Variants in HSPA12A observed in about 807,000 individuals in gnomAD.
The protein encoded by HSPA12A is heat shock 70 kDa protein 12A.
In HSPA12A, 28 loss-of-function variants were observed where a neutral mutation model predicts 69.2. That is an observed-to-expected ratio of 0.40 (90% CI 0.30 to 0.55). The LOEUF is 0.55. Among genes scored for constraint, HSPA12A ranks in the 20% least tolerant of loss-of-function variants. The probability of loss-of-function intolerance (pLI) is 0.38; values close to 1 mark genes in which losing one functional copy is unlikely to be tolerated. For missense variants in HSPA12A, 686 were observed against 900.7 expected (o/e 0.76, Z 3.05); for synonymous variants, 345 against 370.5 (o/e 0.93, Z 0.79).
chr10:116,736,655 G>A (rs1439897137), intron 1 of HSPA12A, among the ~76,000 whole-genome samples: 3 of 152,148 alleles, frequency 2.0e-5, no homozygotes, highest in Non-Finnish European at 4.4e-5. Context: ...GGAGTGATGG[G>A]CTTGGAAGAT....
At chr10:116,789,802 G>T (rs769232731) in intron 2 of HSPA12A, among the ~76,000 whole-genome samples, 31 of 152,086 alleles carry the variant, frequency 2.0e-4, no homozygotes, top group Non-Finnish European at 3.7e-4. Flanking sequence ...AGGTGAGGAG[G>T]GCATTATCTC....
intron 2 of HSPA12A, among the ~76,000 whole-genome samples, chr10:116,705,802 A>G (rs1850226369): frequency 6.6e-6 from 1 of 151,874 alleles, no homozygotes; most frequent in South Asian, 2.1e-4. Context: ...GGCCAGCCAC[A>G]TGACCCACTG....
At chr10:116,687,248 A>G (rs368268815) in intron 6 of HSPA12A, among the ~76,000 whole-genome samples, 3 of 152,156 alleles carry the variant, frequency 2.0e-5, no homozygotes, top group Non-Finnish European at 2.9e-5. Context: ...GCCTGTTTCC[A>G]TAGGGGGTTC....
chr10:116,787,768 G>C (rs1458972875), intron 2 of HSPA12A, among the ~76,000 whole-genome samples: 3 of 152,180 alleles, frequency 2.0e-5, no homozygotes, highest in Non-Finnish European at 2.9e-5. Context: ...GAAAAGAAGA[G>C]GAAAGAAGGG....
intron 1 of HSPA12A, among the ~76,000 whole-genome samples, chr10:116,840,332 A>G (rs1447966941): frequency 6.6e-6 from 1 of 152,244 alleles, no homozygotes; most frequent in Non-Finnish European, 1.5e-5. Context: ...AAATGATGAT[A>G]CACAGGAAAA....
chr10:116,816,245 C>T (rs138066257), intron 2 of HSPA12A, among the ~76,000 whole-genome samples: 1 of 152,348 alleles, frequency 6.6e-6, no homozygotes, highest in Non-Finnish European at 1.5e-5. Flanking sequence ...CTTTCTGCCA[C>T]ATTCATATCA....
At chr10:116,702,139 A>AGC (rs1471525275) in intron 3 of HSPA12A, among the ~76,000 whole-genome samples, 1 of 138,548 alleles carries the variant, frequency 7.2e-6, no homozygotes, top group African/African-American at 2.6e-5. Context: ...AGAGAGAGAG[A>AGC]GAGAGAGGCT....
chr10:116,792,194 T>G (rs11197825), intron 2 of HSPA12A, among the ~76,000 whole-genome samples: 73,997 of 146,574 alleles, frequency 0.5, 19,224 homozygotes, highest in East Asian at 0.63. Flanking sequence ...CACGTAAGCA[T>G]GTGAGTGGGA....
chr10:116,803,446 C>A (rs1307209757), intron 2 of HSPA12A, among the ~76,000 whole-genome samples: 1 of 152,168 alleles, frequency 6.6e-6, no homozygotes, highest in South Asian at 2.1e-4. Flanking sequence ...CGGTATCTAA[C>A]CCCGCAGGCA....
intron 2 of HSPA12A, chr10:116,830,859 T>C (rs1380048086): frequency 6.6e-6 from 1 of 152,388 alleles, no homozygotes; most frequent in Non-Finnish European, 1.5e-5. Context: ...TATGCATATA[T>C]ATATAAAGAG....
At chr10:116,816,303 T>C (rs956510029) in intron 2 of HSPA12A, among the ~76,000 whole-genome samples, 2 of 152,204 alleles carry the variant, frequency 1.3e-5, no homozygotes, top group Non-Finnish European at 2.9e-5. Flanking sequence ...CCCGAAACCA[T>C]TGTTCTTCCT....
intron 5 of HSPA12A, among the ~76,000 whole-genome samples, chr10:116,695,060 G>A (rs1246636254): frequency 6.6e-6 from 1 of 151,790 alleles, no homozygotes; most frequent in Admixed American, 6.6e-5. Flanking sequence ...CTCCTTCCCA[G>A]CCCACGGGCC....
At position 116,833,202 on chromosome 10, in the gene HSPA12A, C is replaced by G. The variant is rs2133212360; in HGVS notation, c.91+1733G>C. Reference sequence around the variant, plus strand: ...AGGCCCATAACATGTTCCGTCTGTTCACGTGCGTTTGTGTGTGCTCAAGTG... The same window carrying G: ...AGGCCCATAACATGTTCCGTCTGTTGACGTGCGTTTGTGTGTGCTCAAGTG... On this transcript the variant is annotated intron_variant, in intron 2 of 12. Coordinates refer to the HSPA12A transcript ENST00000635765. 2.0e-5 allele frequency: 3 copies of G among 152,316 alleles called. No homozygotes were observed. The Middle Eastern group carries it at 0.01, about 515-fold the overall frequency. The allele number at this position is 152,316 out of a possible 1,614,324, so 9.4% of individuals were successfully genotyped here. A position where few individuals can be genotyped will look rare whatever the true frequency, so the allele number is the denominator to read the frequency against.
intron 1 of HSPA12A, among the ~76,000 whole-genome samples, chr10:116,740,892 C>A (rs1325979859): frequency 1.4e-5 from 2 of 143,248 alleles, no homozygotes; most frequent in African/African-American, 5.3e-5. Flanking sequence ...AATTCTCAGG[C>A]TTTAGCAATT....
intron 2 of HSPA12A, among the ~76,000 whole-genome samples, chr10:116,760,945 G>A (rs1380370106): frequency 2.0e-5 from 3 of 152,144 alleles, no homozygotes. Flanking sequence ...ATGCAAATAT[G>A]CGCTCAACTA....
chr10:116,725,995 T>C (rs1850942961), intron 1 of HSPA12A, among the ~76,000 whole-genome samples: 1 of 147,654 alleles, frequency 6.8e-6, no homozygotes, highest in Non-Finnish European at 1.5e-5. Context: ...GAATATTCAT[T>C]CAACATACAA....
intron 6 of HSPA12A, among the ~76,000 whole-genome samples, chr10:116,688,617 C>T (rs1849646797): frequency 6.6e-6 from 1 of 152,226 alleles, no homozygotes; most frequent in Non-Finnish European, 1.5e-5. Context: ...GGTCTGCGGT[C>T]AGGCTACAGA....
intron 2 of HSPA12A, among the ~76,000 whole-genome samples, chr10:116,823,002 G>C (rs1845433364): frequency 1.3e-5 from 2 of 152,300 alleles, no homozygotes; most frequent in African/African-American, 4.8e-5. Flanking sequence ...ATGGTGTGCT[G>C]TGTGTGCCAA....
chr10:116,774,166 C>G lies in HSPA12A; in HGVS notation c.91+60769G>C, dbSNP rs574389672. On this transcript the variant is annotated intron_variant, in intron 2 of 12. Coordinates refer to the HSPA12A transcript ENST00000635765. ...CTGGGACTACAGGCGCCCGCCACTA[C>G]GCCCGGCTAATTTTTTGTATTTTTA... Among the ~76,000 whole-genome samples the G allele has an allele frequency of 6.0e-3, 906 of 152,184 alleles. 13 individuals are homozygous for G. The highest frequency in any genetic ancestry group is 0.021 in the African/African-American group (874 of 41,528).
Sources: allele counts gnomAD v4.1 joint callset (sites outside exome capture counted in the v4.1 genomes callset), GRCh38; gene constraint gnomAD v4.1.1; transcripts MANE v1.5; gene names NCBI Gene and HGNC (gene_info 2026-07-23, HGNC 2026-07-21).